Variants in MAST2 observed in about 807,000 individuals in gnomAD.
The protein encoded by MAST2 is microtubule associated serine/threonine kinase 2, also known as microtubule-associated serine/threonine-protein kinase 2.
In MAST2, 70 loss-of-function variants were observed where a neutral mutation model predicts 147.4. The ratio of observed to expected loss-of-function variants is 0.47; its 90% CI spans 0.39 to 0.58. The LOEUF (loss-of-function observed/expected upper bound fraction) is 0.58, where lower values mean the gene tolerates loss of function less well. Ranked by LOEUF, MAST2 falls within the 20% of genes least tolerant of loss-of-function variation. MAST2 has a pLI of 0.00. For missense variants in MAST2, 2,080 were observed against 2,302.3 expected (o/e 0.90, Z 1.98); for synonymous variants, 869 against 896.8 (o/e 0.97, Z 0.55).
chr1:45,941,669 T>TATTTGTTTTTTC, intron 4 of MAST2, among the ~76,000 whole-genome samples: 1 of 7,392 alleles, frequency 1.4e-4, no homozygotes, highest in Non-Finnish European at 2.1e-4. Flanking sequence ...TGTTTATTCC[T>TATTTGTTTTTTC]ATTTGTTTTT....
intron 4 of MAST2, among the ~76,000 whole-genome samples, chr1:45,937,092 ATTTG>A (rs1243518010): frequency 9.4e-5 from 10 of 106,072 alleles, no homozygotes; most frequent in Admixed American, 3.9e-4. Flanking sequence ...TTCTAATATT[ATTTG>A]TTTGTTTATT....
At chr1:45,960,899 T>C (rs1251595338) in intron 5 of MAST2, among the ~76,000 whole-genome samples, 1 of 152,198 alleles carries the variant, frequency 6.6e-6, no homozygotes, top group East Asian at 1.9e-4. Flanking sequence ...CTGAGTAAGA[T>C]GTGTATATTC....
chr1:46,022,461 G>A (rs969519332), intron 12 of MAST2, among the ~76,000 whole-genome samples: 2 of 152,176 alleles, frequency 1.3e-5, no homozygotes, highest in African/African-American at 4.8e-5. Context: ...CCAACACAGG[G>A]CTTCAGAGGA....
chr1:46,000,978 A>G, intron 6 of MAST2: 1 of 1,289,650 alleles, frequency 7.8e-7, no homozygotes, highest in Non-Finnish European at 1.0e-6. Flanking sequence ...CAGAGCTGAC[A>G]GGTAATAGCG....
intron 5 of MAST2, among the ~76,000 whole-genome samples, chr1:45,976,501 C>T (rs1390553986): frequency 6.6e-6 from 1 of 152,122 alleles, no homozygotes; most frequent in African/African-American, 2.4e-5. Context: ...GGGGCCACAA[C>T]ATGTGAGAAG....
At chr1:46,001,118 T>C in intron 6 of MAST2, 1 of 640,892 alleles carries the variant, frequency 1.6e-6, no homozygotes. Flanking sequence ...GGGCCTTTCA[T>C]GTCTTGCAAA....
In MAST2 at chr1:45,962,297, G is replaced by T. The variant is rs573229149; in HGVS notation, c.592+2820G>T. Among the ~76,000 whole-genome samples the T allele has an allele frequency of 1.8e-3, 276 of 152,132 alleles. 1 individual carries two copies. The highest frequency in any genetic ancestry group is 6.0e-3 in the African/African-American group (250 of 41,498). On this transcript the variant is annotated intron_variant, in intron 5 of 28. Coordinates refer to ENST00000361297, the MANE Select transcript of MAST2 (RefSeq NM_015112.3). ...TTGGGTATATACCCAGTAATGGGAT[G>T]GCTGGGTCAAATGGTATTTCTAGTT...
intron 4 of MAST2, among the ~76,000 whole-genome samples, chr1:45,953,549 G>A (rs1012209308): frequency 6.6e-6 from 1 of 152,202 alleles, no homozygotes; most frequent in Non-Finnish European, 1.5e-5. Context: ...GACCAAAGGG[G>A]ATTCAGGAAA....
At chr1:45,999,678 T>G (rs186017273) in intron 6 of MAST2, among the ~76,000 whole-genome samples, 19 of 152,384 alleles carry the variant, frequency 1.2e-4, no homozygotes, top group African/African-American at 4.6e-4. Flanking sequence ...GATCTTCATT[T>G]AGCTAACTCA....
At chr1:45,940,779 C>T (rs1657139686) in intron 4 of MAST2, among the ~76,000 whole-genome samples, 1 of 152,088 alleles carries the variant, frequency 6.6e-6, no homozygotes. Context: ...GTCACCACGC[C>T]CTGCTAATTT....
At chr1:45,882,515 C>G in intron 4 of MAST2, 120 bp downstream of exon 4, 1 of 729,426 alleles carries the variant, frequency 1.4e-6, no homozygotes, top group Non-Finnish European at 2.3e-6. Flanking sequence ...TCTGTGTACT[C>G]CTATCTGAGC....
intron 4 of MAST2, among the ~76,000 whole-genome samples, chr1:45,955,007 C>T (rs548941259): frequency 8.0e-5 from 12 of 149,944 alleles, no homozygotes; most frequent in Admixed American, 2.0e-4. Context: ...TATTTTAATC[C>T]TTGTAACAAA....
chr1:45,987,755 A>G (rs1007493720), intron 5 of MAST2, among the ~76,000 whole-genome samples: 1 of 38,538 alleles, frequency 2.6e-5, no homozygotes. Context: ...AAGTGAGAGC[A>G]TTTCTTGTTT....
intron 5 of MAST2, among the ~76,000 whole-genome samples, chr1:45,963,901 A>C (rs1660795162): frequency 6.6e-6 from 1 of 151,488 alleles, no homozygotes; most frequent in Non-Finnish European, 1.5e-5. Flanking sequence ...GTTTGTCATA[A>C]TTTATTGAGA....
chr1:45,902,236 A>C (rs1463086920), intron 4 of MAST2, among the ~76,000 whole-genome samples: 1 of 152,218 alleles, frequency 6.6e-6, no homozygotes, highest in Non-Finnish European at 1.5e-5. Flanking sequence ...GTCTGTTGAC[A>C]TGATCATATG....
rs868812897 is a variant in MAST2, at chr1:45,990,755, G to A, written c.593-6969G>A. The stretch of plus-strand genomic sequence containing the variant: ...CCATCTTCAGCCTCCCAAAGTGCTG[G>A]GATTACAGGCATGAGCCACCATGCC... On this transcript the variant is annotated intron_variant, in intron 5 of 28. Coordinates refer to ENST00000361297, the MANE Select transcript of MAST2 (RefSeq NM_015112.3). Among the ~76,000 whole-genome samples, 4 of 152,160 alleles carry A rather than the reference G, an allele frequency of 2.6e-5. No homozygotes were observed. The Middle Eastern group carries it at 0.01, about 388-fold the overall frequency.
At chr1:45,951,811 A>G (rs1658968301) in intron 4 of MAST2, among the ~76,000 whole-genome samples, 1 of 152,244 alleles carries the variant, frequency 6.6e-6, no homozygotes, top group African/African-American at 2.4e-5. Context: ...ATGAAAGCTA[A>G]GAAATACAGA....
intron 4 of MAST2, among the ~76,000 whole-genome samples, chr1:45,911,606 G>A (rs1651662314): frequency 6.6e-6 from 1 of 151,890 alleles, no homozygotes; most frequent in African/African-American, 2.4e-5. Flanking sequence ...TTCATATATA[G>A]GTAACCAGGT....
intron 4 of MAST2, among the ~76,000 whole-genome samples, chr1:45,942,805 C>T (rs1434579257): frequency 1.3e-5 from 2 of 152,134 alleles, no homozygotes; most frequent in Admixed American, 6.5e-5. Context: ...AGATAGAACA[C>T]CTTTACAAAT....
Sources: gnomAD v4.1 joint callset for allele counts (sites outside exome capture counted in the v4.1 genomes callset) on GRCh38, gnomAD v4.1.1 for gene constraint, MANE v1.5 for transcripts, NCBI Gene and HGNC (gene_info 2026-07-23, HGNC 2026-07-21) for gene names.